UTRN: variants seen among roughly 807,000 people sequenced by gnomAD.
UTRN encodes utrophin.
In UTRN, 283 loss-of-function variants were observed where a neutral mutation model predicts 463.9. The observed-to-expected ratio is 0.61, with a 90% CI of 0.55 to 0.67. The LOEUF (loss-of-function observed/expected upper bound fraction) is 0.67, where lower values mean the gene tolerates loss of function less well. Ranked by LOEUF, UTRN falls within the 30% of genes least tolerant of loss-of-function variation. The pLI is 0.00. For missense variants in UTRN, 3,922 were observed against 4,084.3 expected (o/e 0.96, Z 1.08); for synonymous variants, 1,442 against 1,431.5 (o/e 1.01, Z -0.17).
intron 2 of UTRN, among the ~76,000 whole-genome samples, chr6:144,318,823 C>A (rs1188623648): frequency 1.3e-5 from 2 of 152,142 alleles, no homozygotes; most frequent in African/African-American, 4.8e-5. Flanking sequence ...GTAATCCCAG[C>A]ACTTTGGCCG....
intron 55 of UTRN, among the ~76,000 whole-genome samples, chr6:144,749,689 C>T (rs932511812): frequency 1.3e-4 from 20 of 152,148 alleles, no homozygotes; most frequent in Non-Finnish European, 2.9e-5. Context: ...TGCCATATAA[C>T]ACCTGACCAT....
At chr6:144,522,733 C>T (rs925535630) in intron 40 of UTRN, among the ~76,000 whole-genome samples, 3 of 152,044 alleles carry the variant, frequency 2.0e-5, no homozygotes, top group Non-Finnish European at 2.9e-5. Context: ...TGCCTCATTA[C>T]CTATAGAGAA....
chr6:144,383,018 A>G (rs1409248688), intron 2 of UTRN, among the ~76,000 whole-genome samples: 1 of 152,130 alleles, frequency 6.6e-6, no homozygotes, highest in African/African-American at 2.4e-5. Flanking sequence ...TGCAGCCTCG[A>G]ACTCTTGGGT....
chr6:144,833,075 C>T (rs1236801200), intron 69 of UTRN, among the ~76,000 whole-genome samples: 1 of 152,212 alleles, frequency 6.6e-6, no homozygotes, highest in Non-Finnish European at 1.5e-5. Context: ...CCATCTCGAC[C>T]TCCCAAAGTG....
chr6:144,491,160 G>A (rs1584996104), intron 32 of UTRN, 58 bp downstream of exon 32: 1 of 1,522,750 alleles, frequency 6.6e-7, no homozygotes, highest in East Asian at 2.3e-5. Context: ...GTTATGGCTT[G>A]GTCTAGCAAG....
intron 52 of UTRN, among the ~76,000 whole-genome samples, chr6:144,683,445 ACAAAT>A (rs1161992118): frequency 6.6e-6 from 1 of 152,126 alleles, no homozygotes; most frequent in Non-Finnish European, 1.5e-5. Context: ...TGTTCTCATA[ACAAAT>A]CTGTAGAGGC....
At chr6:144,672,237 A>C (rs1394612463) in intron 51 of UTRN, among the ~76,000 whole-genome samples, 1 of 150,642 alleles carries the variant, frequency 6.6e-6, no homozygotes, top group East Asian at 1.9e-4. Context: ...GATTGGTACC[A>C]GTTCTTCTTT....
At chr6:144,845,457 T>G (rs1781934261) in intron 73 of UTRN, among the ~76,000 whole-genome samples, 1 of 152,222 alleles carries the variant, frequency 6.6e-6, no homozygotes, top group African/African-American at 2.4e-5. Context: ...TGAATGGCAT[T>G]CATCAAAAAC....
chr6:144,411,028 C>T lies in UTRN; in HGVS notation c.141+7844C>T, dbSNP rs574121330. Among the ~76,000 whole-genome samples the T allele has an allele frequency of 1.2e-4, 19 of 152,280 alleles. No individual in the cohort carries two copies. In the South Asian group the frequency reaches 3.7e-3, roughly 30 times the overall value. Reference sequence around the variant, plus strand: ...CAATTGTGAATTGTGCTGCTATAAACATGAGTGTGCAAGCATCTTTTTTGT... The same window carrying T: ...CAATTGTGAATTGTGCTGCTATAAATATGAGTGTGCAAGCATCTTTTTTGT... On this transcript the variant is annotated intron_variant, in intron 3 of 74. Coordinates refer to ENST00000367545, the MANE Select transcript of UTRN (RefSeq NM_007124.3).
chr6:144,337,191 A>AC (rs1180517905), intron 2 of UTRN, among the ~76,000 whole-genome samples: 157 of 119,864 alleles, frequency 1.3e-3, no homozygotes, highest in African/African-American at 2.1e-3. Context: ...ACACACACAC[A>AC]CACCACACAC....
chr6:144,491,494 A>C (rs888820697), intron 32 of UTRN, among the ~76,000 whole-genome samples: 2 of 152,232 alleles, frequency 1.3e-5, no homozygotes, highest in Non-Finnish European at 2.9e-5. Context: ...TCCATTTTCT[A>C]GGAAAATAAA....
chr6:144,690,426 C>G (rs1187668047), intron 52 of UTRN, among the ~76,000 whole-genome samples: 1 of 151,970 alleles, frequency 6.6e-6, no homozygotes, highest in Non-Finnish European at 1.5e-5. Context: ...AAAGTTCCAG[C>G]CAGTCTGCAC....
rs190041278 is a variant in UTRN, at chr6:144,609,300, T to C, written c.7479+32012T>C. Among the ~76,000 whole-genome samples, 4 of 152,264 alleles carry C rather than the reference T, an allele frequency of 2.6e-5. No homozygotes were observed. In the East Asian group the frequency reaches 7.7e-4, roughly 29 times the overall value. On this transcript the variant is annotated intron_variant, in intron 51 of 74. Coordinates refer to ENST00000367545, the MANE Select transcript of UTRN (RefSeq NM_007124.3). ...AGGAGAGCCAGGGGAGCTATACTTA[T>C]ATCAGACAAAATAGATTTAAAGTCA...
chr6:144,727,496 T>G (rs545962775), intron 53 of UTRN, among the ~76,000 whole-genome samples: 1 of 152,192 alleles, frequency 6.6e-6, no homozygotes, highest in Non-Finnish European at 1.5e-5. Context: ...TGGTGGCCCA[T>G]GCCTATAATC....
intron 62 of UTRN, among the ~76,000 whole-genome samples, chr6:144,789,489 G>A (rs1008847952): frequency 3.9e-5 from 6 of 152,140 alleles, no homozygotes; most frequent in African/African-American, 1.2e-4. Flanking sequence ...TAACTAAGAG[G>A]TGAGGTGCCA....
chr6:144,332,596 T>G (rs900278621), intron 2 of UTRN, among the ~76,000 whole-genome samples: 1 of 152,076 alleles, frequency 6.6e-6, no homozygotes, highest in South Asian at 2.1e-4. Context: ...ATTCTTTAAA[T>G]TGAATATATA....
rs749880837 is a variant in UTRN at position 144,554,674 on chromosome 6, A to G, written c.6929-14A>G. ...ATGTTGGGATTTTTTTTTCTTTTAT[A>G]ATGCTACCCTCAGTGGAAAGGGTCA... On this transcript the variant is annotated splice_polypyrimidine_tract_variant and intron_variant, in intron 48 of 74. Transcript: ENST00000367545. The G allele has an allele frequency of 1.2e-6, 2 of 1,603,966 alleles. No individual in the cohort carries two copies. The highest frequency in any genetic ancestry group is 4.5e-5 in the East Asian group (2 of 44,698).
At chr6:144,721,149 C>T (rs1787105269) in intron 53 of UTRN, among the ~76,000 whole-genome samples, 1 of 152,130 alleles carries the variant, frequency 6.6e-6, no homozygotes, top group African/African-American at 2.4e-5. Flanking sequence ...GGGATTATAT[C>T]TCCTTCTACT....
At chr6:144,826,978 A>G (rs1428824409) in intron 66 of UTRN, among the ~76,000 whole-genome samples, 1 of 152,138 alleles carries the variant, frequency 6.6e-6, no homozygotes, top group Non-Finnish European at 1.5e-5. Flanking sequence ...TCTAGGAAAA[A>G]CAAAAATATG....
Sources: gnomAD v4.1 joint callset for allele counts (sites outside exome capture counted in the v4.1 genomes callset) on GRCh38, gnomAD v4.1.1 for gene constraint, MANE v1.5 for transcripts, NCBI Gene and HGNC (gene_info 2026-07-23, HGNC 2026-07-21) for gene names.